Variants in CACNA1S observed in about 807,000 individuals in gnomAD.
The protein encoded by CACNA1S is voltage-dependent L-type calcium channel subunit alpha-1S.
In CACNA1S, 126 loss-of-function variants were observed where a neutral mutation model predicts 207.4. That is an observed-to-expected ratio of 0.61 (90% confidence interval 0.53 to 0.70). CACNA1S has a LOEUF of 0.70. Ranked by LOEUF, CACNA1S falls within the 30% of genes least tolerant of loss-of-function variation. CACNA1S has a pLI of 0.00. For missense variants in CACNA1S, 2,349 were observed against 2,422.8 expected (o/e 0.97, Z 0.64); for synonymous variants, 960 against 932.7 (o/e 1.03, Z -0.53).
intron 2 of CACNA1S, among the ~76,000 whole-genome samples, chr1:201,100,492 A>G (rs950438923): frequency 2.0e-5 from 3 of 152,230 alleles, no homozygotes; most frequent in African/African-American, 4.8e-5. Flanking sequence ...CGCTCACCCA[A>G]ATAGACGTAA....
intron 5 of CACNA1S, 31 bp downstream of exon 5, chr1:201,091,609 C>T (rs765511179): frequency 6.2e-7 from 1 of 1,613,696 alleles, no homozygotes; most frequent in Admixed American, 1.7e-5. Flanking sequence ...CTAGGCCCTG[C>T]CCCACAGCCC....
intron 7 of CACNA1S, among the ~76,000 whole-genome samples, chr1:201,085,936 A>T (rs1233016257): frequency 6.6e-6 from 1 of 152,182 alleles, no homozygotes; most frequent in Non-Finnish European, 1.5e-5. Flanking sequence ...CGGAGCCTCA[A>T]ATTGGCCATA....
intron 43 of CACNA1S, 29 bp downstream of exon 43, chr1:201,040,202 C>T: frequency 6.2e-7 from 1 of 1,612,704 alleles, no homozygotes; most frequent in Non-Finnish European, 8.5e-7. Flanking sequence ...CTCAATGCAG[C>T]CACTGCTGTG....
At chr1:201,059,053 AGG>A in intron 27 of CACNA1S, 134 bp downstream of exon 27, 1 of 637,002 alleles carries the variant, frequency 1.6e-6, no homozygotes, top group Non-Finnish European at 2.8e-6. Context: ...AAGTGGGCAA[AGG>A]GGTGAGCAAG....
Position 201,061,347 on chromosome 1 carries a change from T to C in CACNA1S, c.3175A>G (p.Ile1059Val), listed in dbSNP as rs769318222. Residue 1059 changes from isoleucine to valine, a missense_variant, in exon 25 of 44, where the codon ATC becomes GTC. Ile to Val is a conservative substitution (Grantham distance 29). Transcript: ENST00000362061. ...GTGACAATGACGAAGCCCACAAAGA[T>C]GTTCATCATGAAGAAGGCAATGAGG... ...IILIAFFMMN[I>V]FVGFVIVTFQ... 2 of 1,614,194 alleles carry C rather than the reference T, an allele frequency of 1.2e-6. No individual in the cohort carries two copies. The highest frequency in any genetic ancestry group is 1.7e-6 in the Non-Finnish European group (2 of 1,180,040).
chr1:201,097,042 A>C (rs536499100), intron 2 of CACNA1S, among the ~76,000 whole-genome samples: 1 of 152,210 alleles, frequency 6.6e-6, no homozygotes, highest in East Asian at 1.9e-4. Context: ...CCAAGCCAGA[A>C]ACCTCCAGGG....
In CACNA1S at chr1:201,043,356, C is replaced by T. The variant is rs13374149; in HGVS notation, c.4973G>A (p.Arg1658His). 0.058 allele frequency: 93,531 copies of T among 1,613,994 alleles called. 4,663 individuals are homozygous for T. The highest frequency in any genetic ancestry group is 0.26 in the African/African-American group (19,817 of 74,944). Residue 1658 changes from arginine (R) to histidine (H), a missense_variant, in exon 40 of 44, where the codon CGT (arginine) becomes CAT (histidine). By Grantham distance (29) the Arg-to-His change is conservative. Transcript: ENST00000362061. The part of the protein sequence containing the change: ...PQDPRTNPLA[R>H]ANTNNANANV... ...GGCGTTGGCATTGTTGGTATTGGCA[C>T]GAGCCAGGGGGTTGGTGCGTGGATC...
In CACNA1S at chr1:201,062,469, C is replaced by G; in HGVS notation, c.2899G>C (p.Glu967Gln). 1 of 1,614,004 alleles carries G rather than the reference C, an allele frequency of 6.2e-7. No homozygotes were observed. ...CTDLSKMTEE[E>Q]CRGYYYVYKD... ...GCTCCCTGCCCCATGTACCTGCACTCCTCCTCTGTCATCTTGGACAAGTCG... is the reference window on the plus strand; with the variant it reads ...GCTCCCTGCCCCATGTACCTGCACTGCTCCTCTGTCATCTTGGACAAGTCG... Residue 967 changes from glutamate to glutamine, a missense_variant, in exon 23 of 44, where the codon GAG (glutamate) becomes CAG (glutamine). By Grantham distance (29) the Glu-to-Gln change is conservative. Coordinates refer to ENST00000362061, the MANE Select transcript of CACNA1S (RefSeq NM_000069.3).
chr1:201,082,029 A>ATTTTTTTTT (rs754037624), intron 10 of CACNA1S, among the ~76,000 whole-genome samples: 7 of 126,756 alleles, frequency 5.5e-5, no homozygotes, highest in East Asian at 4.7e-4. Context: ...TCTCAGGTGC[A>ATTTTTTTTT]TTTTTTTTTT....
intron 2 of CACNA1S, among the ~76,000 whole-genome samples, chr1:201,104,124 T>A (rs182109627): frequency 2.0e-5 from 3 of 152,366 alleles, no homozygotes; most frequent in Admixed American, 2.0e-4. Flanking sequence ...GAGCATTTTA[T>A]AACAGGCCTG....
chr1:201,060,746 T>G lies in CACNA1S; in HGVS notation c.3326A>C (p.Tyr1109Ser), dbSNP rs755446245. Residue 1109 changes from tyrosine to serine, a missense_variant, in exon 26 of 44, where the codon TAC becomes TCC. Tyr to Ser is a moderately radical substitution (Grantham distance 144). Coordinates refer to ENST00000362061, the MANE Select transcript of CACNA1S (RefSeq NM_000069.3). ...GGAGGTGACAATGTACCACACCTGG[T>G]ACTGGTATGGGTTTTTGGGAATGTA... ...RCYIPKNPYQ[Y>S]QVWYIVTSSY... 6 of 1,614,148 alleles carry G rather than the reference T, an allele frequency of 3.7e-6. No homozygotes were observed. The South Asian group carries it at 6.6e-5, about 18-fold the overall frequency.
At position 201,110,233 on chromosome 1, in the gene CACNA1S, G is replaced by A; in HGVS notation, c.189C>T (p.Ala63=). ...GGTACACGGCCAGGGCCACACAATT[G>A]GCAAAGATGGTGAGCAAGATGATCG... ...FETIILLTIF[A]NCVALAVYLP... is the part of the protein sequence containing the mutation. The change falls in exon 2 of 44, where the codon GCC becomes GCT. Residue 63 remains alanine (A), a synonymous_variant. Transcript: ENST00000362061. 1 of 1,614,208 alleles carries A rather than the reference G, an allele frequency of 6.2e-7. No individual in the cohort carries two copies. The highest frequency in any genetic ancestry group is 1.3e-5 in the African/African-American group (1 of 75,076).
chr1:201,051,753 C>G lies in CACNA1S; in HGVS notation c.3954-610G>C, dbSNP rs528699470. ...ACATTCAGCCAGACTACATAACTTCCCACTCCTTTGTGTCTAATAACTGTC... is the reference window on the plus strand; with the variant it reads ...ACATTCAGCCAGACTACATAACTTCGCACTCCTTTGTGTCTAATAACTGTC... On this transcript the variant is annotated intron_variant, in intron 32 of 43. Transcript: ENST00000362061. Among the ~76,000 whole-genome samples, 11 of 152,312 alleles carry G rather than the reference C, an allele frequency of 7.2e-5. No homozygotes were observed. In the East Asian group the frequency reaches 1.3e-3, roughly 19 times the overall value.
intron 12 of CACNA1S, among the ~76,000 whole-genome samples, chr1:201,076,711 T>C (rs1661634893): frequency 6.6e-6 from 1 of 152,174 alleles, no homozygotes; most frequent in African/African-American, 2.4e-5. Flanking sequence ...TCAGACAAAG[T>C]AGGTGCAGCT....
chr1:201,048,765 C>T, intron 35 of CACNA1S, 81 bp from the exon 36 acceptor site: 1 of 1,274,870 alleles, frequency 7.8e-7, no homozygotes, highest in Non-Finnish European at 1.1e-6. Flanking sequence ...GGTCTGTGGA[C>T]CGGGAGGGGA....
rs114717544 is a variant in CACNA1S at position 201,108,380 on chromosome 1, G to A, written c.258+1784C>T. On this transcript the variant is annotated intron_variant, in intron 2 of 43. Transcript: ENST00000362061. ...AGCCTCTCAAAGTGCTGGGATTACAGGCATGAGTCACTGCATCCAGCAGAG... is the reference window on the plus strand; with the variant it reads ...AGCCTCTCAAAGTGCTGGGATTACAAGCATGAGTCACTGCATCCAGCAGAG... Among the ~76,000 whole-genome samples, 587 of 152,280 alleles carry A rather than the reference G, an allele frequency of 3.9e-3. 1 individual carries two copies. Among genetic ancestry groups the A allele is most frequent in the African/African-American group, 0.014 (570 of 41,564 alleles).
chr1:201,089,514 C>T (rs578258263), intron 5 of CACNA1S, 51 bp from the exon 6 acceptor site: 28 of 1,563,106 alleles, frequency 1.8e-5, no homozygotes, highest in Middle Eastern at 2.1e-4. Flanking sequence ...AGGTGGACAA[C>T]GACAGGAGGA....
chr1:201,073,416 G>T, intron 15 of CACNA1S, 133 bp downstream of exon 15: 1 of 796,624 alleles, frequency 1.3e-6, no homozygotes, highest in Non-Finnish European at 2.2e-6. Context: ...GTCGTACGCA[G>T]GGAGATGCCC....
At chr1:201,051,726 TCA>T (rs1182646231) in intron 32 of CACNA1S, among the ~76,000 whole-genome samples, 1 of 152,178 alleles carries the variant, frequency 6.6e-6, no homozygotes, top group Non-Finnish European at 1.5e-5. Context: ...TCTCCTCTAG[TCA>T]CATTCAGCCA....
Sources: gnomAD v4.1 joint callset for allele counts (sites outside exome capture counted in the v4.1 genomes callset) on GRCh38, gnomAD v4.1.1 for gene constraint, MANE v1.5 for transcripts, NCBI Gene and HGNC (gene_info 2026-07-23, HGNC 2026-07-21) for gene names.